Variants in CHSY3 observed in about 807,000 individuals in gnomAD.
CHSY3 encodes N-acetylgalactosaminyl-proteoglycan 3-beta-glucuronosyltransferase 3.
A neutral mutation model predicts 67.2 loss-of-function variants in CHSY3; 35 were observed. The observed-to-expected ratio is 0.52, with a 90% CI of 0.40 to 0.69. The LOEUF (loss-of-function observed/expected upper bound fraction) is 0.69. Among genes scored for constraint, CHSY3 ranks in the 30% least tolerant of loss-of-function variants. The pLI is 0.00. For missense variants in CHSY3, 1,069 were observed against 1,138.5 expected, an observed-to-expected ratio of 0.94 and a Z score of 0.88; for synonymous variants, 474 against 434.7, an observed-to-expected ratio of 1.09 and a Z score of -1.12.
intron 2 of CHSY3, among the ~76,000 whole-genome samples, chr5:130,127,846 A>T (rs78809905): frequency 6.6e-6 from 1 of 152,110 alleles, no homozygotes; most frequent in Non-Finnish European, 1.5e-5. Context: ...TATTATGATT[A>T]TGCACTATTA....
chr5:129,945,061 G>A (rs540857832), intron 2 of CHSY3, among the ~76,000 whole-genome samples: 4 of 152,112 alleles, frequency 2.6e-5, no homozygotes, highest in East Asian at 3.8e-4. Flanking sequence ...ATTTATCTAT[G>A]CAAATTAACT....
At chr5:130,143,304 T>A (rs550713098) in intron 2 of CHSY3, among the ~76,000 whole-genome samples, 2 of 152,162 alleles carry the variant, frequency 1.3e-5, no homozygotes, top group East Asian at 3.9e-4. Flanking sequence ...TTACAAGACA[T>A]AATATTGAAT....
chr5:130,073,596 G>A (rs1766158299), intron 2 of CHSY3, among the ~76,000 whole-genome samples: 1 of 152,070 alleles, frequency 6.6e-6, no homozygotes, highest in African/African-American at 2.4e-5. Context: ...TACTGCTGGT[G>A]GGATTGTAAA....
At chr5:130,080,502 A>G (rs1426013352) in intron 2 of CHSY3, among the ~76,000 whole-genome samples, 1 of 152,158 alleles carries the variant, frequency 6.6e-6, no homozygotes, top group Non-Finnish European at 1.5e-5. Context: ...TGTTGGCTCC[A>G]TTCTTAGGAT....
intron 2 of CHSY3, among the ~76,000 whole-genome samples, chr5:130,167,603 T>A (rs1769785812): frequency 6.6e-6 from 1 of 152,140 alleles, no homozygotes; most frequent in Non-Finnish European, 1.5e-5. Context: ...GGGTATTGGA[T>A]TTTACTTGAT....
At chr5:130,023,205 GTTTC>G (rs1561501877) in intron 2 of CHSY3, among the ~76,000 whole-genome samples, 2 of 151,614 alleles carry the variant, frequency 1.3e-5, no homozygotes, top group Admixed American at 1.3e-4. Flanking sequence ...CTTGAGTTTT[GTTTC>G]TTAGGTTTTG....
In CHSY3 at chr5:130,156,111, AT is replaced by A. The variant is rs112804806; in HGVS notation, c.1087-28111del. Among the ~76,000 whole-genome samples, 460 of 152,178 alleles carry A rather than the reference AT, an allele frequency of 3.0e-3. 2 individuals are homozygous for A. Among genetic ancestry groups the A allele is most frequent in the African/African-American group, 0.011 (441 of 41,510 alleles). ...ATCATAGTATACACTACCTGGAGTA[AT>A]TTTTTTCCCCTGAGCAATTTAGTTA... On this transcript the variant is annotated intron_variant, in intron 2 of 2. Coordinates refer to ENST00000305031, the MANE Select transcript of CHSY3 (RefSeq NM_175856.5).
rs112292856 is a variant in CHSY3, at chr5:129,984,337, A to G, written c.1086+75977A>G. Among the ~76,000 whole-genome samples, 443 of 152,210 alleles carry G rather than the reference A, an allele frequency of 2.9e-3. 4 individuals carry two copies. Among genetic ancestry groups the G allele is most frequent in the African/African-American group, 0.01 (418 of 41,544 alleles). ...TTGATAATGGCTTCCAGCTCCATCCATGTTGCTGCAAAGGATATGATCTCA... is the reference window on the plus strand; with the variant it reads ...TTGATAATGGCTTCCAGCTCCATCCGTGTTGCTGCAAAGGATATGATCTCA... On this transcript the variant is annotated intron_variant, in intron 2 of 2. Transcript: ENST00000305031.
rs183285487 is a variant in CHSY3 at position 129,959,843 on chromosome 5, G to A, written c.1086+51483G>A. Among the ~76,000 whole-genome samples, 20 of 152,122 alleles carry A rather than the reference G, an allele frequency of 1.3e-4. No individual in the cohort carries two copies. The East Asian group carries it at 3.7e-3, about 28-fold the overall frequency. On this transcript the variant is annotated intron_variant, in intron 2 of 2. Coordinates refer to ENST00000305031, the MANE Select transcript of CHSY3 (RefSeq NM_175856.5). ...TCTTTTTCCTTTTATTGCAAGTGAT[G>A]CGTATCTTTTTTTACTTGATAACAA... is the stretch of plus-strand genomic sequence containing the variant.
intron 2 of CHSY3, among the ~76,000 whole-genome samples, chr5:130,123,250 T>C (rs1580755882): frequency 6.6e-6 from 1 of 152,194 alleles, no homozygotes. Context: ...AAAGAGAGTA[T>C]GTTTTAAATT....
intron 2 of CHSY3, among the ~76,000 whole-genome samples, chr5:129,911,300 T>C (rs372239701): frequency 2.0e-5 from 3 of 152,142 alleles, no homozygotes; most frequent in South Asian, 2.1e-4. Flanking sequence ...ATTAAAAATA[T>C]GTTGTAAAAG....
chr5:129,960,970 C>T (rs1762312845), intron 2 of CHSY3, among the ~76,000 whole-genome samples: 2 of 152,032 alleles, frequency 1.3e-5, no homozygotes, highest in African/African-American at 4.8e-5. Context: ...ATGATCAAAC[C>T]AGTAGACAAT....
chr5:129,984,867 GTTGT>G (rs1763132542), intron 2 of CHSY3, among the ~76,000 whole-genome samples: 1 of 152,038 alleles, frequency 6.6e-6, no homozygotes, highest in Admixed American at 6.6e-5. Context: ...TTATAAAGTG[GTTGT>G]TTGTTTTTTG....
chr5:129,924,701 A>G (rs1761040430), intron 2 of CHSY3, among the ~76,000 whole-genome samples: 1 of 151,556 alleles, frequency 6.6e-6, no homozygotes. Context: ...GCCAGTACCT[A>G]GATATCATCT....
chr5:130,103,686 T>G (rs1438571868), intron 2 of CHSY3, among the ~76,000 whole-genome samples: 1 of 152,032 alleles, frequency 6.6e-6, no homozygotes, highest in Non-Finnish European at 1.5e-5. Flanking sequence ...TTTTCTGTAT[T>G]TAAAAAGCAC....
intron 2 of CHSY3, among the ~76,000 whole-genome samples, chr5:129,948,223 G>A (rs1307684983): frequency 6.6e-6 from 1 of 152,080 alleles, no homozygotes; most frequent in Non-Finnish European, 1.5e-5. Context: ...GGAACAGGTG[G>A]TGTTTAGTTA....
At chr5:129,928,025 A>T (rs1310379766) in intron 2 of CHSY3, among the ~76,000 whole-genome samples, 1 of 152,046 alleles carries the variant, frequency 6.6e-6, no homozygotes, top group African/African-American at 2.4e-5. Context: ...AATAGTAGAA[A>T]ATTATGAAAA....
rs150325226 is a variant in CHSY3 at position 130,056,638 on chromosome 5, G to C, written c.1087-127591G>C. Among the ~76,000 whole-genome samples the C allele has an allele frequency of 4.3e-3, 657 of 152,234 alleles. 5 individuals carry two copies. The highest frequency in any genetic ancestry group is 0.014 in the African/African-American group (591 of 41,542). ...CAAATACCTATCACAAAATCTTAAA[G>C]TAAATGTCATTTTTATTTATAGCAT... On this transcript the variant is annotated intron_variant, in intron 2 of 2. Transcript: ENST00000305031.
chr5:130,108,232 T>G (rs189242922), intron 2 of CHSY3, among the ~76,000 whole-genome samples: 170 of 151,736 alleles, frequency 1.1e-3, no homozygotes, highest in African/African-American at 3.7e-3. Flanking sequence ...ATATAAATAC[T>G]TAAATGTTAG....
Sources: allele counts gnomAD v4.1 joint callset (sites outside exome capture counted in the v4.1 genomes callset), GRCh38; gene constraint gnomAD v4.1.1; transcripts MANE v1.5; gene names NCBI Gene and HGNC (gene_info 2026-07-23, HGNC 2026-07-21).